Variants in CEP290 observed in about 807,000 individuals in gnomAD.
CEP290 encodes the protein centrosomal protein of 290 kDa.
Under a neutral mutation model 344.9 loss-of-function variants are expected in CEP290, and 317 were observed. That is an observed-to-expected ratio of 0.92 (90% CI 0.84 to 1.01). The LOEUF (loss-of-function observed/expected upper bound fraction) is 1.01, where lower values mean the gene tolerates loss of function less well. Among genes scored for constraint, CEP290 ranks in the 50% least tolerant of loss-of-function variants. CEP290 has a pLI of 0.00. For synonymous variants in CEP290, 932 were observed against 895.8 expected, an observed-to-expected ratio of 1.04 and a Z score of -0.72; for missense variants, 2,754 against 2,761.4, an observed-to-expected ratio of 1.00 and a Z score of 0.06.
rs758329611 is a variant in CEP290 at position 88,059,938 on chromosome 12, AT to A, written c.6604del (p.Ile2202LeufsTer24). 9.4e-6 allele frequency: 15 copies of A among 1,594,418 alleles called. No homozygotes were observed. The highest frequency in any genetic ancestry group is 1.2e-5 in the Non-Finnish European group (14 of 1,170,344). Reference protein sequence around the residue: ...YESKTKGTEKIIAENERLRKE... With the variant: ...YESKTKGTEKXIAENERLRKE... ...ACGAAGCCTTTCATTTTCAGCAATA[AT>A]TTTTTCTGTGCCTTTGGTCTTGGAT... is the stretch of plus-strand genomic sequence containing the variant. On this transcript the variant is annotated frameshift_variant, in exon 48 of 54. Transcript: ENST00000552810. LOFTEE classifies it high-confidence loss of function.
intron 22 of CEP290, among the ~76,000 whole-genome samples, chr12:88,109,732 T>C (rs1422431135): frequency 1.3e-5 from 2 of 152,154 alleles, no homozygotes; most frequent in Non-Finnish European, 2.9e-5. Context: ...GCCTTAGGAT[T>C]GAGAGTCTAA....
At position 88,125,271 on chromosome 12, in the gene CEP290, C is replaced by A; in HGVS notation, c.1164G>T (p.Leu388Phe). 2 of 974,596 alleles carry A rather than the reference C, an allele frequency of 2.1e-6. No individual in the cohort carries two copies. Among genetic ancestry groups the A allele is most frequent in the South Asian group, 5.6e-5 (2 of 35,894 alleles). 60.4% of individuals were successfully genotyped at this position (974,596 alleles called of 1,614,324 possible). The change falls in exon 13 of 54, where the codon TTG (leucine) becomes TTT (phenylalanine). Residue 388 changes from leucine to phenylalanine, a missense_variant. Physicochemically the swap from Leu to Phe is conservative, Grantham distance 22. Coordinates refer to ENST00000552810, the MANE Select transcript of CEP290 (RefSeq NM_025114.4). ...CTTTGTTTCTTTGGAGCTCATTTTT[C>A]AAATCTTCAATAATACAAGTATTCT... ...MEKNTCIIED[L>F]KNELQRNKGA...
At chr12:88,130,921 A>T (rs2138108879) in intron 7 of CEP290, among the ~76,000 whole-genome samples, 2 of 152,196 alleles carry the variant, frequency 1.3e-5, no homozygotes, top group African/African-American at 4.8e-5. Context: ...CTAGCAAAGA[A>T]TGGCTTATAA....
intron 47 of CEP290, among the ~76,000 whole-genome samples, 179 bp downstream of exon 47, chr12:88,060,651 A>G (rs957421689): frequency 6.6e-6 from 1 of 152,180 alleles, no homozygotes; most frequent in Non-Finnish European, 1.5e-5. Flanking sequence ...AAGAAAGATC[A>G]GGTAGACCTA....
intron 53 of CEP290, 77 bp downstream of exon 53, chr12:88,050,277 G>C: frequency 1.4e-6 from 1 of 700,968 alleles, no homozygotes; most frequent in Non-Finnish European, 2.5e-6. Flanking sequence ...TTTAGGATAC[G>C]TAGTTAAAGA....
chr12:88,115,626 AT>A, intron 18 of CEP290: 1 of 1,126,302 alleles, frequency 8.9e-7, no homozygotes, highest in Non-Finnish European at 1.2e-6. Context: ...AATGTACTGC[AT>A]TTTAGATTTT....
chr12:88,084,414 CA>C lies in CEP290; in HGVS notation c.4704+171del, dbSNP rs1242415882. ...TGTATAATAGAAAGATACATGTACA[CA>C]AACTTCCAGTTTTACTGACAGAGGT... is the stretch of plus-strand genomic sequence containing the variant. On this transcript the variant is annotated intron_variant, in intron 35 of 53. Transcript: ENST00000552810. Among the ~76,000 whole-genome samples the C allele has an allele frequency of 2.6e-5, 4 of 152,228 alleles. No homozygotes were observed. The East Asian group carries it at 7.7e-4, about 29-fold the overall frequency.
In CEP290 at chr12:88,089,136, G is replaced by A. The variant is rs2036816455; in HGVS notation, c.3925C>T (p.Gln1309Ter). ...KIMQEMKNSQQEHRNMENKTL... is the reference protein window; with the variant it reads ...KIMQEMKNSQ ...TTGTTCTCCATATTTCTATGTTCTT[G>A]TTGAGAATTTTTCATTTCTTGCATT... Residue 1309 changes from glutamine (Q) to a stop codon, truncating the protein, a stop_gained, in exon 31 of 54, where the codon CAA becomes TAA. Transcript: ENST00000552810. LOFTEE classifies it high-confidence loss of function. The A allele has an allele frequency of 6.3e-7, 1 of 1,599,992 alleles. No individual in the cohort carries two copies. The highest frequency in any genetic ancestry group is 1.1e-5 in the South Asian group (1 of 88,118).
intron 13 of CEP290, among the ~76,000 whole-genome samples, chr12:88,124,193 C>T (rs1284566795): frequency 6.6e-6 from 1 of 152,112 alleles, no homozygotes; most frequent in African/African-American, 2.4e-5. Context: ...AAAGCCAAGT[C>T]TGCACAATGA....
In CEP290 at chr12:88,086,022, C is replaced by T. The variant is rs1312510179; in HGVS notation, c.4437+17G>A. 2 of 1,596,344 alleles carry T rather than the reference C, an allele frequency of 1.3e-6. No homozygotes were observed. Among genetic ancestry groups the T allele is most frequent in the Admixed American group, 1.7e-5 (1 of 57,530 alleles). On this transcript the variant is annotated intron_variant, in intron 34 of 53. Coordinates refer to ENST00000552810, the MANE Select transcript of CEP290 (RefSeq NM_025114.4). ...ACCAAATAATACACTAATCAAAATG[C>T]AAATTCTTCTAATTACCTCTTCTAG...
At chr12:88,075,838 AAT>A (rs1327963372) in intron 41 of CEP290, among the ~76,000 whole-genome samples, 3 of 152,214 alleles carry the variant, frequency 2.0e-5, no homozygotes, top group Non-Finnish European at 4.4e-5. Flanking sequence ...AGTTAGTAGT[AAT>A]ATCTTATACT....
chr12:88,090,349 T>C (rs532208121), intron 30 of CEP290, among the ~76,000 whole-genome samples: 1 of 152,226 alleles, frequency 6.6e-6, no homozygotes, highest in East Asian at 1.9e-4. Flanking sequence ...AATGTAACAA[T>C]GGCCCAGCAT....
At position 88,083,206 on chromosome 12, in the gene CEP290, G is replaced by C. The variant is rs769280708; in HGVS notation, c.4837C>G (p.Pro1613Ala). ...AWDLMKQSPT[P>A]VPTNKHFIRL... ...ATAAAATGCTTGTTGGTAGGAACTG[G>C]AGTGGGAGACTGTTTCATTAAATCC... Residue 1613 changes from proline (P) to alanine (A), a missense_variant, in exon 37 of 54, where the codon CCA (proline) becomes GCA (alanine). Transcript: ENST00000552810. 26 of 1,502,988 alleles carry C rather than the reference G, an allele frequency of 1.7e-5. No individual in the cohort carries two copies. The highest frequency in any genetic ancestry group is 1.0e-4 in the Admixed American group (4 of 38,706). 93.1% of individuals were successfully genotyped at this position (1,502,988 alleles called of 1,614,324 possible). A position where few individuals can be genotyped will look rare whatever the true frequency, so the allele number is the denominator to read the frequency against.
At chr12:88,090,965 A>G in intron 29 of CEP290, 126 bp from the exon 30 acceptor site, 1 of 574,548 alleles carries the variant, frequency 1.7e-6, no homozygotes, top group South Asian at 2.3e-5. Flanking sequence ...TCTTTGTATG[A>G]AATATTAAAA....
chr12:88,114,626 C>T (rs1189860951), intron 19 of CEP290, 64 bp from the exon 20 acceptor site: 5 of 1,278,636 alleles, frequency 3.9e-6, no homozygotes, highest in Admixed American at 3.2e-5. Context: ...CTATGCTATA[C>T]AGATGACAAA....
At position 88,102,935 on chromosome 12, in the gene CEP290, G is replaced by T; in HGVS notation, c.2894C>A (p.Ala965Asp). Residue 965 changes from alanine to aspartate, a missense_variant, in exon 26 of 54, where the codon GCT becomes GAT. Physicochemically the swap from Ala to Asp is moderately radical, Grantham distance 126 (BLOSUM62 -2). Coordinates refer to ENST00000552810, the MANE Select transcript of CEP290 (RefSeq NM_025114.4). ...NSVSLSELELANKQYNELTAK... is the reference protein window; with the variant it reads ...NSVSLSELELDNKQYNELTAK... ...AGTCAGTTCATTGTACTGTTTATTAGCCAGTTCTAGTTCAGACAAAGAAAC... is the reference window on the plus strand; with the variant it reads ...AGTCAGTTCATTGTACTGTTTATTATCCAGTTCTAGTTCAGACAAAGAAAC... 6.2e-7 allele frequency: 1 copy of T among 1,603,960 alleles called. No individual in the cohort carries two copies. Among genetic ancestry groups the T allele is most frequent in the Non-Finnish European group, 8.5e-7 (1 of 1,176,364 alleles).
chr12:88,083,713 C>G (rs773390888), intron 36 of CEP290, 134 bp downstream of exon 36: 7 of 643,252 alleles, frequency 1.1e-5, no homozygotes, highest in Non-Finnish European at 1.9e-5. Flanking sequence ...GAAGAATGAT[C>G]AGAGCTATGT....
chr12:88,060,899 C>A lies in CEP290; in HGVS notation c.6453G>T (p.Leu2151Phe). The A allele has an allele frequency of 6.4e-7, 1 of 1,551,254 alleles. No homozygotes were observed. Among genetic ancestry groups the A allele is most frequent in the East Asian group, 2.4e-5 (1 of 42,116 alleles). ...VEKVQRENEQ[L>F]KKASGILTSE... is the part of the protein sequence containing the mutation. ...TAGTCAATATTCCTGATGCTTTTTT[C>A]AACTGTTCATTTTCTCTCTGGACTT... Residue 2151 changes from leucine (L) to phenylalanine (F), a missense_variant, in exon 47 of 54, where the codon TTG (leucine) becomes TTT (phenylalanine). Coordinates refer to ENST00000552810, the MANE Select transcript of CEP290 (RefSeq NM_025114.4).
At chr12:88,115,637 T>TA in intron 18 of CEP290, 1 of 1,111,004 alleles carries the variant, frequency 9.0e-7, no homozygotes, top group Non-Finnish European at 1.2e-6. Flanking sequence ...TTTTAGATTT[T>TA]AAAAAGTACA....
Sources: gnomAD v4.1 joint callset for allele counts (sites outside exome capture counted in the v4.1 genomes callset) on GRCh38, gnomAD v4.1.1 for gene constraint, MANE v1.5 for transcripts, NCBI Gene and HGNC (gene_info 2026-07-23, HGNC 2026-07-21) for gene names.